ATP10B: variants seen among roughly 807,000 people sequenced by gnomAD.
The protein encoded by ATP10B is phospholipid-transporting ATPase VB.
In ATP10B, 122 loss-of-function variants were observed where a neutral mutation model predicts 141.2. The observed-to-expected ratio is 0.86, with a 90% CI of 0.75 to 1.00. The LOEUF is 1.00. Ranked by LOEUF, ATP10B falls within the 50% of genes least tolerant of loss-of-function variation. The pLI, the probability that ATP10B is intolerant of heterozygous loss-of-function variation, is 0.00. For missense variants in ATP10B, 1,876 were observed against 1,825.3 expected, an observed-to-expected ratio of 1.03 and a Z score of -0.51; for synonymous variants, 685 against 692.0, an observed-to-expected ratio of 0.99 and a Z score of 0.16.
intron 8 of ATP10B, 35 bp downstream of exon 8, chr5:160,649,136 A>G (rs537231541): frequency 1.4e-6 from 2 of 1,434,536 alleles, no homozygotes; most frequent in Non-Finnish European, 2.0e-6. Context: ...TGCAGCGGAG[A>G]TATTTACTAG....
the ATP10B span, among the ~76,000 whole-genome samples, chr5:160,896,348 A>T: frequency 6.6e-6 from 1 of 152,192 alleles, no homozygotes; most frequent in Non-Finnish European, 1.5e-5. Flanking sequence ...ACAATAAAAA[A>T]TGATAATGGG....
intron 7 of ATP10B, among the ~76,000 whole-genome samples, chr5:160,652,796 AAT>A (rs1760869863): frequency 9.4e-6 from 1 of 106,878 alleles, no homozygotes; most frequent in Non-Finnish European, 1.7e-5. Context: ...AAAAATATAT[AAT>A]ATATTATATA....
chr5:160,788,945 A>T (rs1230026229), intron 1 of ATP10B, among the ~76,000 whole-genome samples: 1 of 152,186 alleles, frequency 6.6e-6, no homozygotes, highest in Non-Finnish European at 1.5e-5. Flanking sequence ...TCGGTATGTG[A>T]TACATACAAA....
At chr5:160,760,398 C>T (rs1028807181) in intron 2 of ATP10B, among the ~76,000 whole-genome samples, 4 of 152,168 alleles carry the variant, frequency 2.6e-5, no homozygotes, top group African/African-American at 9.7e-5. Flanking sequence ...AAAGGCACTG[C>T]GATTGCTCCT....
At chr5:160,814,373 GA>G (rs1245782513) in intron 1 of ATP10B, among the ~76,000 whole-genome samples, 1 of 152,194 alleles carries the variant, frequency 6.6e-6, no homozygotes. Context: ...TCAACTGGAA[GA>G]AAGGGTATCA....
At chr5:160,580,602 G>A (rs565751089) in intron 24 of ATP10B, among the ~76,000 whole-genome samples, 1 of 152,282 alleles carries the variant, frequency 6.6e-6, no homozygotes, top group South Asian at 2.1e-4. Flanking sequence ...TGTTTAACAG[G>A]GATATTGGCC....
intron 2 of ATP10B, among the ~76,000 whole-genome samples, chr5:160,720,995 G>T (rs991933452): frequency 4.6e-5 from 7 of 152,226 alleles, no homozygotes; most frequent in Admixed American, 1.3e-4. Context: ...AAGTAAGCCT[G>T]TTGTAAATAC....
chr5:160,812,666 T>C (rs1040641679), intron 1 of ATP10B, among the ~76,000 whole-genome samples: 4 of 151,992 alleles, frequency 2.6e-5, no homozygotes, highest in Admixed American at 6.6e-5. Context: ...AAGAAAGAAT[T>C]AGTGAGCTTG....
At chr5:160,638,334 T>G (rs1561680743) in intron 10 of ATP10B, among the ~76,000 whole-genome samples, 1 of 152,270 alleles carries the variant, frequency 6.6e-6, no homozygotes, top group East Asian at 1.9e-4. Flanking sequence ...CTTTTAATCA[T>G]TAACTTTCTT....
At chr5:160,902,051 TCTA>T in the ATP10B span, among the ~76,000 whole-genome samples, 2 of 152,218 alleles carry the variant, frequency 1.3e-5, no homozygotes, top group Admixed American at 6.5e-5. Flanking sequence ...TATACCTACT[TCTA>T]CTAATTCCTG....
At chr5:160,880,590 T>A in the ATP10B span, among the ~76,000 whole-genome samples, 1 of 152,036 alleles carries the variant, frequency 6.6e-6, no homozygotes, top group Non-Finnish European at 1.5e-5. Context: ...GAGAAATAGA[T>A]CAACAGCACA....
intron 12 of ATP10B, 130 bp from the exon 13 acceptor site, chr5:160,632,497 T>A (rs1219339485): frequency 1.2e-6 from 1 of 806,520 alleles, no homozygotes; most frequent in African/African-American, 1.7e-5. Flanking sequence ...AATTGGCATC[T>A]GGGCTACCAA....
chr5:160,729,491 G>T (rs940708404), intron 2 of ATP10B, among the ~76,000 whole-genome samples: 1 of 152,170 alleles, frequency 6.6e-6, no homozygotes, highest in African/African-American at 2.4e-5. Context: ...TTGTAATGGG[G>T]TAGGGAATTG....
chr5:160,928,200 A>G, the ATP10B span, among the ~76,000 whole-genome samples: 1 of 152,044 alleles, frequency 6.6e-6, no homozygotes, highest in African/African-American at 2.4e-5. Flanking sequence ...ACTGCTCTAG[A>G]GCTTCAAGAA....
intron 10 of ATP10B, among the ~76,000 whole-genome samples, chr5:160,637,668 C>A (rs1468596834): frequency 6.6e-6 from 1 of 152,184 alleles, no homozygotes; most frequent in African/African-American, 2.4e-5. Flanking sequence ...GTGTTCTTGT[C>A]TGTTAAATAG....
intron 1 of ATP10B, among the ~76,000 whole-genome samples, chr5:160,835,209 G>A (rs1269244342): frequency 6.6e-6 from 1 of 151,994 alleles, no homozygotes; most frequent in African/African-American, 2.4e-5. Context: ...AAAATAACTC[G>A]AGATAGAGAG....
intron 21 of ATP10B, among the ~76,000 whole-genome samples, chr5:160,599,768 G>C (rs1756980778): frequency 6.6e-6 from 1 of 152,130 alleles, no homozygotes; most frequent in Non-Finnish European, 1.5e-5. Flanking sequence ...CTTGTGGGTG[G>C]GCTGGGTCAC....
intron 7 of ATP10B, among the ~76,000 whole-genome samples, chr5:160,651,614 G>C (rs546571222): frequency 6.6e-6 from 1 of 152,210 alleles, no homozygotes; most frequent in East Asian, 1.9e-4. Context: ...AGAGCTTTTA[G>C]CAAAGGGCGT....
intron 2 of ATP10B, among the ~76,000 whole-genome samples, chr5:160,783,715 C>T (rs971331513): frequency 1.1e-4 from 16 of 151,450 alleles, no homozygotes; most frequent in Admixed American, 8.6e-4. Flanking sequence ...GTATCTTTTT[C>T]GTATAATGAC....
Sources: allele counts gnomAD v4.1 joint callset (sites outside exome capture counted in the v4.1 genomes callset), GRCh38; gene constraint gnomAD v4.1.1; transcripts MANE v1.5; gene names NCBI Gene and HGNC (gene_info 2026-07-23, HGNC 2026-07-21).